Variants in IGHMBP2 observed in about 807,000 individuals in gnomAD.
IGHMBP2 encodes the protein immunoglobulin mu DNA binding protein 2.
A neutral mutation model predicts 96.0 loss-of-function variants in IGHMBP2; 81 were observed. That is an observed-to-expected ratio of 0.84 (90% CI 0.71 to 1.01). The LOEUF (loss-of-function observed/expected upper bound fraction) is 1.01. IGHMBP2 is among the 50% of genes least tolerant of loss of function. The probability of loss-of-function intolerance (pLI) is 0.00; values close to 1 mark genes in which losing one functional copy is unlikely to be tolerated. For missense variants in IGHMBP2, 1,227 were observed against 1,306.3 expected, an observed-to-expected ratio of 0.94 and a Z score of 0.94; for synonymous variants, 557 against 548.9, an observed-to-expected ratio of 1.01 and a Z score of -0.21.
intron 5 of IGHMBP2, among the ~76,000 whole-genome samples, chr11:68,913,475 GT>G (rs1858525416): frequency 1.3e-5 from 2 of 152,122 alleles, no homozygotes; most frequent in Non-Finnish European, 1.5e-5. Flanking sequence ...TCCTCTGCTG[GT>G]TGCCACCTCC....
At chr11:68,922,027 G>A (rs753391483) in intron 7 of IGHMBP2, among the ~76,000 whole-genome samples, 1 of 152,006 alleles carries the variant, frequency 6.6e-6, no homozygotes, top group African/African-American at 2.4e-5. Flanking sequence ...TTTTTCTTCT[G>A]TCTGCATTTA....
chr11:68,923,950 G>C (rs1343579367), intron 7 of IGHMBP2, among the ~76,000 whole-genome samples: 1 of 152,052 alleles, frequency 6.6e-6, no homozygotes, highest in Admixed American at 6.5e-5. Context: ...TCAACTCAGG[G>C]AGCCTTCTAG....
At chr11:68,938,145 T>C in intron 13 of IGHMBP2, 37 bp from the exon 14 acceptor site, 1 of 1,611,690 alleles carries the variant, frequency 6.2e-7, no homozygotes, top group Non-Finnish European at 8.5e-7. Context: ...CCAGGTGTTG[T>C]CTTTCCGTTT....
At chr11:68,910,256 A>G (rs1414758685) in intron 4 of IGHMBP2, among the ~76,000 whole-genome samples, 1 of 152,252 alleles carries the variant, frequency 6.6e-6, no homozygotes, top group Non-Finnish European at 1.5e-5. Flanking sequence ...TTCTAAATGC[A>G]GTCACATTTC....
At chr11:68,924,217 AC>A (rs913749730) in intron 7 of IGHMBP2, among the ~76,000 whole-genome samples, 9 of 152,266 alleles carry the variant, frequency 5.9e-5, no homozygotes, top group African/African-American at 2.2e-4. Context: ...GAGGTGGAGG[AC>A]GCACATTCTC....
chr11:68,920,284 G>T (rs887864957), intron 7 of IGHMBP2, among the ~76,000 whole-genome samples: 3 of 152,264 alleles, frequency 2.0e-5, no homozygotes, highest in African/African-American at 7.2e-5. Context: ...GAGTACAGTG[G>T]TGCGGTCAAA....
chr11:68,912,735 T>G (rs1858485958), intron 5 of IGHMBP2, among the ~76,000 whole-genome samples: 1 of 152,018 alleles, frequency 6.6e-6, no homozygotes. Context: ...AGGTGGTTAG[T>G]GGCCCCAGTT....
chr11:68,904,489 C>T (rs557374685), intron 1 of IGHMBP2, among the ~76,000 whole-genome samples: 1 of 152,176 alleles, frequency 6.6e-6, no homozygotes, highest in Non-Finnish European at 1.5e-5. Flanking sequence ...TCCAGTGCGT[C>T]CAGGGCCGGC....
At chr11:68,938,841 C>T (rs1376239316) in intron 14 of IGHMBP2, among the ~76,000 whole-genome samples, 2 of 152,092 alleles carry the variant, frequency 1.3e-5, no homozygotes, top group Non-Finnish European at 2.9e-5. Context: ...GGTGGGGGAC[C>T]TGGGTAAGAG....
At chr11:68,917,349 T>A (rs866601772) in intron 6 of IGHMBP2, among the ~76,000 whole-genome samples, 1 of 152,286 alleles carries the variant, frequency 6.6e-6, no homozygotes, top group Middle Eastern at 3.4e-3. Flanking sequence ...TTTTAATCTC[T>A]TGAAAAATGT....
intron 7 of IGHMBP2, among the ~76,000 whole-genome samples, chr11:68,927,277 A>AT (rs977308219): frequency 2.4e-4 from 36 of 152,096 alleles, no homozygotes; most frequent in Admixed American, 1.3e-4. Flanking sequence ...TAAAATCTGT[A>AT]TTTTTTGTCT....
At chr11:68,922,395 T>G (rs1241828686) in intron 7 of IGHMBP2, among the ~76,000 whole-genome samples, 3 of 152,116 alleles carry the variant, frequency 2.0e-5, no homozygotes, top group Non-Finnish European at 4.4e-5. Context: ...CTGGTGCTAT[T>G]TGCTTCATGT....
At chr11:68,938,113 T>G (rs1859621353) in intron 13 of IGHMBP2, 69 bp from the exon 14 acceptor site, 7 of 1,566,218 alleles carry the variant, frequency 4.5e-6, no homozygotes, top group Non-Finnish European at 8.8e-7. Flanking sequence ...CATGAATTGA[T>G]TTTAAAACCT....
At chr11:68,929,750 A>G (rs1303839771) in intron 8 of IGHMBP2, 1 of 985,308 alleles carries the variant, frequency 1.0e-6, no homozygotes. Context: ...ATCTGTAGAC[A>G]CATCCCTGGA....
At chr11:68,929,134 T>C (rs1385767098) in intron 7 of IGHMBP2, 49 bp from the exon 8 acceptor site, 5 of 1,577,058 alleles carry the variant, frequency 3.2e-6, no homozygotes, top group Non-Finnish European at 4.3e-6. Flanking sequence ...GCTGCGCTGT[T>C]GGGAAGCAGC....
intron 1 of IGHMBP2, among the ~76,000 whole-genome samples, chr11:68,904,803 C>CTTTTCTT (rs892709461): frequency 2.5e-5 from 3 of 120,996 alleles, no homozygotes; most frequent in Non-Finnish European, 3.4e-5. Flanking sequence ...TTTTCTTTTT[C>CTTTTCTT]TTTTTTTTTT....
intron 3 of IGHMBP2, 21 bp from the exon 4 acceptor site, chr11:68,908,513 T>C: frequency 6.3e-7 from 1 of 1,597,568 alleles, no homozygotes; most frequent in Non-Finnish European, 8.6e-7. Flanking sequence ...GTGTTCTAAT[T>C]TTAGTTTTCT....
intron 13 of IGHMBP2, chr11:68,937,677 T>A (rs1859605992): frequency 4.3e-6 from 1 of 233,320 alleles, no homozygotes; most frequent in African/African-American, 2.3e-5. Context: ...GCAGAGCGTG[T>A]AGCGGTCTTG....
chr11:68,923,504 A>G (rs1457640908), intron 7 of IGHMBP2, among the ~76,000 whole-genome samples: 2 of 152,070 alleles, frequency 1.3e-5, no homozygotes, highest in East Asian at 1.9e-4. Flanking sequence ...CCAGTCTCCT[A>G]TAATATTCTT....
Sources: allele counts gnomAD v4.1 joint callset (sites outside exome capture counted in the v4.1 genomes callset), GRCh38; gene constraint gnomAD v4.1.1; transcripts MANE v1.5; gene names NCBI Gene and HGNC (gene_info 2026-07-23, HGNC 2026-07-21).